Variants in CDH18 observed in about 807,000 individuals in gnomAD.
CDH18 encodes cadherin 18.
In CDH18, 31 loss-of-function variants were observed where a neutral mutation model predicts 67.9. The ratio of observed to expected loss-of-function variants is 0.46; its 90% CI spans 0.34 to 0.62. The LOEUF is 0.62. Among genes scored for constraint, CDH18 ranks in the 20% least tolerant of loss-of-function variants. The probability of loss-of-function intolerance (pLI) is 0.01; values close to 1 mark genes in which losing one functional copy is unlikely to be tolerated. For missense variants in CDH18, 890 were observed against 975.5 expected (o/e 0.91, Z 1.17); for synonymous variants, 362 against 347.2 (o/e 1.04, Z -0.48).
intron 2 of CDH18, among the ~76,000 whole-genome samples, chr5:20,066,527 T>G (rs751133665): frequency 2.6e-5 from 4 of 152,086 alleles, no homozygotes; most frequent in Non-Finnish European, 5.9e-5. Flanking sequence ...TTCAAAGGAC[T>G]ACCATTAAGG....
intron 1 of CDH18, among the ~76,000 whole-genome samples, chr5:20,367,949 G>A (rs1308976912): frequency 1.9e-4 from 29 of 152,128 alleles, no homozygotes; most frequent in Admixed American, 1.8e-3. Flanking sequence ...TGATGTCTCT[G>A]CCTTACTCTC....
intron 12 of CDH18, among the ~76,000 whole-genome samples, chr5:19,476,441 T>TG (rs1384311742): frequency 1.3e-5 from 2 of 152,034 alleles, no homozygotes; most frequent in African/African-American, 2.4e-5. Context: ...GCCTTTATTT[T>TG]GGGGTAAAAA....
intron 2 of CDH18, among the ~76,000 whole-genome samples, chr5:20,039,931 T>A (rs1156594577): frequency 6.6e-6 from 1 of 151,952 alleles, no homozygotes; most frequent in Non-Finnish European, 1.5e-5. Flanking sequence ...TGGGAAAAAA[T>A]TTTTGCAATC....
rs1156733280 is a variant in CDH18, at chr5:19,987,741, G to A, written c.-376+345C>T. ...GACATAAATGACAGCTTATACTGATGCCATCATTATTGCAATGTGCCTTGC... is the reference window on the plus strand; with the variant it reads ...GACATAAATGACAGCTTATACTGATACCATCATTATTGCAATGTGCCTTGC... On this transcript the variant is annotated intron_variant, in intron 1 of 12. Transcript: ENST00000382275. Among the ~76,000 whole-genome samples, 4 of 152,110 alleles carry A rather than the reference G, an allele frequency of 2.6e-5. No homozygotes were observed. The East Asian group carries it at 7.7e-4, about 29-fold the overall frequency.
chr5:20,494,024 A>C (rs1445401158), intron 1 of CDH18, among the ~76,000 whole-genome samples: 2 of 152,036 alleles, frequency 1.3e-5, no homozygotes, highest in African/African-American at 4.8e-5. Flanking sequence ...TGGGTGGATT[A>C]GTTTTACTTG....
At chr5:19,523,346 T>C (rs1005717581) in intron 9 of CDH18, among the ~76,000 whole-genome samples, 1 of 152,100 alleles carries the variant, frequency 6.6e-6, no homozygotes, top group Non-Finnish European at 1.5e-5. Context: ...TTGATTGCAC[T>C]AAAACATGAT....
intron 2 of CDH18, among the ~76,000 whole-genome samples, chr5:20,247,326 C>T (rs1743458059): frequency 6.6e-6 from 1 of 151,914 alleles, no homozygotes; most frequent in Non-Finnish European, 1.5e-5. Context: ...GTTAACTAGC[C>T]TTGGGGGAAG....
intron 5 of CDH18, among the ~76,000 whole-genome samples, chr5:19,627,809 C>T (rs1751783038): frequency 6.6e-6 from 1 of 152,098 alleles, no homozygotes; most frequent in South Asian, 2.1e-4. Flanking sequence ...AATGTGGGTG[C>T]TTTCTAGGCT....
At chr5:19,561,464 T>G (rs1055761425) in intron 8 of CDH18, among the ~76,000 whole-genome samples, 4 of 151,964 alleles carry the variant, frequency 2.6e-5, no homozygotes, top group Non-Finnish European at 5.9e-5. Context: ...GCTATGAGGA[T>G]GCAAAGGCAC....
rs1737727336 is a variant in CDH18, at chr5:19,472,475, T to C, written c.*751A>G. 6.6e-6 allele frequency among the ~76,000 whole-genome samples: 1 copy of C among 152,140 alleles called. No homozygotes were observed. Among genetic ancestry groups the C allele is most frequent in the Admixed American group, 6.6e-5 (1 of 15,252 alleles). On this transcript the variant is annotated 3_prime_UTR_variant, in exon 13 of 13. Transcript: ENST00000382275. ...GATTTTCATAACATACCTTAAACTA[T>C]TCTTTCTGTCCATTTAAAAATAGGA...
At chr5:19,651,116 A>C (rs1260523129) in intron 5 of CDH18, among the ~76,000 whole-genome samples, 1 of 152,038 alleles carries the variant, frequency 6.6e-6, no homozygotes, top group Non-Finnish European at 1.5e-5. Flanking sequence ...GCCTCAGTCT[A>C]CAATCAAAGA....
intron 7 of CDH18, among the ~76,000 whole-genome samples, chr5:19,577,446 CCT>C (rs1481630390): frequency 2.6e-5 from 4 of 152,048 alleles, no homozygotes; most frequent in Non-Finnish European, 5.9e-5. Context: ...CCATTTTCCC[CCT>C]GTTGGAATGT....
intron 4 of CDH18, among the ~76,000 whole-genome samples, chr5:19,746,499 G>T (rs1376521388): frequency 6.6e-6 from 1 of 152,124 alleles, no homozygotes; most frequent in African/African-American, 2.4e-5. Context: ...GCTATTAATG[G>T]TATTATAATT....
At chr5:20,295,872 CTTTTTTTT>C (rs35024141) in intron 1 of CDH18, among the ~76,000 whole-genome samples, 1 of 109,978 alleles carries the variant, frequency 9.1e-6, no homozygotes, top group South Asian at 2.8e-4. Context: ...TCTTTTTTTT[CTTTTTTTT>C]TTTTTTTTGA....
chr5:20,049,870 ACAAGATGAC>A (rs146687524), intron 2 of CDH18, among the ~76,000 whole-genome samples: 1,739 of 151,930 alleles, frequency 0.011, 38 homozygotes, highest in African/African-American at 0.04. Context: ...TGCTAAAATT[ACAAGATGAC>A]CAAGAAGAGA....
intron 1 of CDH18, among the ~76,000 whole-genome samples, chr5:20,467,609 C>A (rs1433414360): frequency 6.6e-6 from 1 of 152,122 alleles, no homozygotes; most frequent in Non-Finnish European, 1.5e-5. Flanking sequence ...TTGGCATTCA[C>A]TCTAATGTAA....
At chr5:20,302,353 A>C (rs1484805713) in intron 1 of CDH18, among the ~76,000 whole-genome samples, 1 of 152,164 alleles carries the variant, frequency 6.6e-6, no homozygotes, top group African/African-American at 2.4e-5. Flanking sequence ...GCTTACTATG[A>C]ATCATCTGCA....
intron 2 of CDH18, among the ~76,000 whole-genome samples, chr5:19,841,545 A>T (rs1782318342): frequency 6.7e-6 from 1 of 149,354 alleles, no homozygotes; most frequent in Non-Finnish European, 1.5e-5. Context: ...TTCCCAAGAG[A>T]TTCTTAATTT....
intron 1 of CDH18, among the ~76,000 whole-genome samples, chr5:20,266,552 T>G (rs1327348168): frequency 6.9e-6 from 1 of 145,268 alleles, no homozygotes; most frequent in African/African-American, 2.5e-5. Flanking sequence ...TACAGGCACG[T>G]GCCGGCACGC....
Sources: allele counts gnomAD v4.1 joint callset (sites outside exome capture counted in the v4.1 genomes callset), GRCh38; gene constraint gnomAD v4.1.1; transcripts MANE v1.5; gene names NCBI Gene and HGNC (gene_info 2026-07-23, HGNC 2026-07-21).